Variants in GMEB1 observed in about 807,000 individuals in gnomAD.
GMEB1 encodes the protein glucocorticoid modulatory element binding protein 1, also known as glucocorticoid modulatory element-binding protein 1.
A neutral mutation model predicts 52.4 loss-of-function variants in GMEB1; 6 were observed. That is an observed-to-expected ratio of 0.11 (90% CI 0.06 to 0.23). The LOEUF is 0.23. GMEB1 is among the 10% of genes least tolerant of loss of function. GMEB1 has a pLI of 1.00. For synonymous variants in GMEB1, 255 were observed against 244.9 expected (o/e 1.04, Z -0.38); for missense variants, 486 against 685.6 (o/e 0.71, Z 3.25).
At chr1:28,672,265 G>T (rs1668925761) in intron 1 of GMEB1, among the ~76,000 whole-genome samples, 1 of 147,092 alleles carries the variant, frequency 6.8e-6, no homozygotes, top group Admixed American at 6.8e-5. Flanking sequence ...CTGTCGCCCA[G>T]GCTGGAGTGC....
chr1:28,681,739 G>C (rs1184116206), intron 1 of GMEB1, among the ~76,000 whole-genome samples: 1 of 151,994 alleles, frequency 6.6e-6, no homozygotes, highest in Non-Finnish European at 1.5e-5. Context: ...TTTCGCTCTT[G>C]TTGCCCAGGC....
intron 5 of GMEB1, 44 bp from the exon 6 acceptor site, chr1:28,696,883 T>C (rs1670233384): frequency 6.7e-7 from 1 of 1,494,418 alleles, no homozygotes; most frequent in Admixed American, 1.8e-5. Context: ...TCCCACTAGA[T>C]GAAGTATAGG....
chr1:28,698,390 A>G (rs79248842), intron 6 of GMEB1, among the ~76,000 whole-genome samples: 1 of 151,168 alleles, frequency 6.6e-6, no homozygotes, highest in African/African-American at 2.4e-5. Context: ...AAAAAAAAAA[A>G]GAAGCCTGGG....
chr1:28,709,585 A>AT (rs1374380483), intron 8 of GMEB1, among the ~76,000 whole-genome samples: 8 of 150,808 alleles, frequency 5.3e-5, no homozygotes, highest in African/African-American at 1.7e-4. Flanking sequence ...AAAAAAAAAA[A>AT]TTTTTTTGAG....
In GMEB1 at chr1:28,699,895, C is replaced by T. The variant is rs1445229080; in HGVS notation, c.599-2543C>T. 4.0e-5 allele frequency among the ~76,000 whole-genome samples: 6 copies of T among 150,462 alleles called. No homozygotes were observed. The East Asian group carries it at 6.0e-4, about 15-fold the overall frequency. On this transcript the variant is annotated intron_variant, in intron 6 of 9. Coordinates refer to ENST00000373816, the MANE Select transcript of GMEB1 (RefSeq NM_001319674.2). ...TTTGAGACCAGCCTTGGCATCTTGT[C>T]GAAAACCCATCTCTACAAAAAATAA...
intron 1 of GMEB1, among the ~76,000 whole-genome samples, chr1:28,679,050 G>C (rs974733822): frequency 1.3e-5 from 2 of 151,552 alleles, no homozygotes; most frequent in African/African-American, 4.9e-5. Context: ...ATTATGCCTG[G>C]CTAATTTTTG....
intron 1 of GMEB1, among the ~76,000 whole-genome samples, chr1:28,676,397 C>T (rs770409894): frequency 1.2e-4 from 18 of 152,122 alleles, no homozygotes; most frequent in African/African-American, 1.9e-4. Flanking sequence ...TAGTAGTTAA[C>T]GCAGGCTCTG....
chr1:28,713,206 T>C (rs1312918828), intron 9 of GMEB1, among the ~76,000 whole-genome samples: 4 of 152,056 alleles, frequency 2.6e-5, no homozygotes, highest in Non-Finnish European at 5.9e-5. Context: ...TCCATGTGTT[T>C]TAGGAGCTGT....
chr1:28,678,038 G>A (rs555695603), intron 1 of GMEB1, among the ~76,000 whole-genome samples: 22 of 152,066 alleles, frequency 1.4e-4, no homozygotes, highest in Admixed American at 1.4e-3. Context: ...ACAAAAATTA[G>A]CCGGGTGTGG....
In GMEB1 at chr1:28,679,954, C is replaced by T. The variant is rs7526106; in HGVS notation, c.-30-3629C>T. ...CCAAGTAGCTGGGATTATAGGCAAGCGCCACCACGCCTGGCTAATTGTTTT... is the reference window on the plus strand; with the variant it reads ...CCAAGTAGCTGGGATTATAGGCAAGTGCCACCACGCCTGGCTAATTGTTTT... On this transcript the variant is annotated intron_variant, in intron 1 of 9. Coordinates refer to ENST00000373816, the MANE Select transcript of GMEB1 (RefSeq NM_001319674.2). 2.2e-3 allele frequency among the ~76,000 whole-genome samples: 339 copies of T among 152,194 alleles called. 1 individual carries two copies. Among genetic ancestry groups the T allele is most frequent in the African/African-American group, 7.6e-3 (314 of 41,548 alleles).
intron 1 of GMEB1, among the ~76,000 whole-genome samples, chr1:28,680,531 T>A (rs957404151): frequency 4.6e-5 from 7 of 150,616 alleles, no homozygotes; most frequent in Admixed American, 4.0e-4. Context: ...GGTCAAGAGA[T>A]CAAGACCATC....
chr1:28,705,154 C>T (rs1207961621), intron 8 of GMEB1, among the ~76,000 whole-genome samples: 4 of 149,896 alleles, frequency 2.7e-5, no homozygotes, highest in Non-Finnish European at 5.9e-5. Context: ...ATTAGGAGGC[C>T]GAGACCGGCG....
At chr1:28,684,889 C>G (rs1348172564) in intron 2 of GMEB1, among the ~76,000 whole-genome samples, 1 of 152,156 alleles carries the variant, frequency 6.6e-6, no homozygotes, top group African/African-American at 2.4e-5. Context: ...AATTCCAGTT[C>G]TAATCCCACT....
At position 28,690,203 on chromosome 1, in the gene GMEB1, G is replaced by GGGT; in HGVS notation, c.211+17_211+18insGGT. 1 of 513,944 alleles carries GGGT rather than the reference G, an allele frequency of 1.9e-6. No individual in the cohort carries two copies. Among genetic ancestry groups the GGGT allele is most frequent in the Non-Finnish European group, 3.1e-6 (1 of 319,040 alleles). The allele number at this position is 513,944 out of a possible 1,614,324, so 31.8% of individuals were successfully genotyped here. On this transcript the variant is annotated intron_variant, in intron 3 of 9. Transcript: ENST00000373816. The stretch of plus-strand genomic sequence containing the variant: ...AAGGGATTGGTAAGGGTTTTTTTGT[G>GGGT]TTTTTTTTTTTTTTTTTTTTTGTCA...
chr1:28,670,398 G>GCTCAC (rs1321921906), intron 1 of GMEB1, among the ~76,000 whole-genome samples: 2 of 152,054 alleles, frequency 1.3e-5, no homozygotes, highest in Admixed American at 6.6e-5. Flanking sequence ...CGCGATCTCA[G>GCTCAC]CTCACTGCAA....
chr1:28,712,666 A>C (rs1387946984), intron 9 of GMEB1, among the ~76,000 whole-genome samples: 2 of 151,852 alleles, frequency 1.3e-5, no homozygotes, highest in Non-Finnish European at 2.9e-5. Context: ...TAAAAATACA[A>C]ATATTAGCTG....
At chr1:28,685,568 A>G (rs142982504) in intron 2 of GMEB1, among the ~76,000 whole-genome samples, 105 of 152,324 alleles carry the variant, frequency 6.9e-4, no homozygotes, top group South Asian at 1.9e-3. Context: ...CGTTTTGAAC[A>G]TATTTCGTGA....
In GMEB1 at chr1:28,715,950, T is replaced by A; in HGVS notation, c.*1177T>A. ...CTACTGAAAATACAAAAAAAAAAAA[T>A]TAGCTGGGCATGGTGGCACGCGCCT... On this transcript the variant is annotated 3_prime_UTR_variant, in exon 10 of 10. Coordinates refer to ENST00000373816, the MANE Select transcript of GMEB1 (RefSeq NM_001319674.2). The A allele has an allele frequency of 6.6e-6, 1 of 151,286 alleles. No homozygotes were observed. Among genetic ancestry groups the A allele is most frequent in the Non-Finnish European group, 1.5e-5 (1 of 67,876 alleles). 9.4% of individuals were successfully genotyped at this position (151,286 alleles called of 1,614,324 possible).
intron 2 of GMEB1, among the ~76,000 whole-genome samples, chr1:28,686,628 C>A (rs1464906947): frequency 0.023 from 2,129 of 93,034 alleles, no homozygotes; most frequent in African/African-American, 0.024. Flanking sequence ...GATTCTGTCT[C>A]AAAAAAAAAA....
Sources: gnomAD v4.1 joint callset for allele counts (sites outside exome capture counted in the v4.1 genomes callset) on GRCh38, gnomAD v4.1.1 for gene constraint, MANE v1.5 for transcripts, NCBI Gene and HGNC (gene_info 2026-07-23, HGNC 2026-07-21) for gene names.